The following CACNB2 variants were observed in gnomAD, a reference collection of about 807,000 sequenced individuals.
The protein encoded by CACNB2 is voltage-dependent L-type calcium channel subunit beta-2.
In CACNB2, 42 loss-of-function variants were observed where a neutral mutation model predicts 73.3. That is an observed-to-expected ratio of 0.57 (90% CI 0.45 to 0.74). CACNB2 has a LOEUF of 0.74. Among genes scored for constraint, CACNB2 ranks in the 30% least tolerant of loss-of-function variants. The probability of loss-of-function intolerance (pLI) is 0.00; values close to 1 mark genes in which losing one functional copy is unlikely to be tolerated. For missense variants in CACNB2, 940 were observed against 853.0 expected, an observed-to-expected ratio of 1.10 and a Z score of -1.27; for synonymous variants, 348 against 310.3, an observed-to-expected ratio of 1.12 and a Z score of -1.28.
chr10:18,214,363 C>T lies in CACNB2; in HGVS notation c.213+63388C>T, dbSNP rs1372033379. On this transcript the variant is annotated intron_variant, in intron 2 of 13. Transcript: ENST00000324631. Reference sequence around the variant, plus strand: ...AACTGTGACTGGGTGCAGTGGCTCACGCCTGTAATCGCAGCACTTTGAGAG... The same window carrying T: ...AACTGTGACTGGGTGCAGTGGCTCATGCCTGTAATCGCAGCACTTTGAGAG... 8.0e-5 allele frequency among the ~76,000 whole-genome samples: 6 copies of T among 75,406 alleles called. 1 individual carries two copies. Among genetic ancestry groups the T allele is most frequent in the African/African-American group, 1.5e-4 (5 of 32,454 alleles). The allele number at this position is 75,406 out of a possible 152,430, so 49.5% of individuals were successfully genotyped here.
chr10:18,418,994 T>C (rs1427106160), intron 3 of CACNB2, among the ~76,000 whole-genome samples: 1 of 152,324 alleles, frequency 6.6e-6, no homozygotes, highest in East Asian at 1.9e-4. Context: ...TAAGCTTACA[T>C]TTGAGTCAAC....
Position 18,539,734 on chromosome 10 carries a change from G to T in CACNB2, c.*10G>T, listed in dbSNP as rs4747352. 0.78 allele frequency: 1,231,163 copies of T among 1,575,568 alleles called. 482,573 individuals are homozygous for T. Among genetic ancestry groups the T allele is most frequent in the East Asian group, 0.97 (43,388 of 44,598 alleles). ...TTACATCCGCCAATGAGTTTTGCCCGTTTGTGTTTTTTTTTTTTTTTTTTT... is the reference window on the plus strand; with the variant it reads ...TTACATCCGCCAATGAGTTTTGCCCTTTTGTGTTTTTTTTTTTTTTTTTTT... On this transcript the variant is annotated 3_prime_UTR_variant, in exon 14 of 14. Transcript: ENST00000324631.
chr10:18,258,247 C>T (rs562711895), intron 2 of CACNB2, among the ~76,000 whole-genome samples: 1 of 152,174 alleles, frequency 6.6e-6, no homozygotes, highest in Admixed American at 6.5e-5. Context: ...GAATCTCTCT[C>T]ATATTGTGTA....
At chr10:18,314,337 A>G (rs912406593) in intron 2 of CACNB2, among the ~76,000 whole-genome samples, 9 of 152,188 alleles carry the variant, frequency 5.9e-5, no homozygotes, top group African/African-American at 1.9e-4. Flanking sequence ...TGTTAGTTGA[A>G]TTGTTCATTT....
chr10:18,375,115 G>A (rs1485521577), intron 2 of CACNB2, among the ~76,000 whole-genome samples: 1 of 152,134 alleles, frequency 6.6e-6, no homozygotes, highest in African/African-American at 2.4e-5. Flanking sequence ...CTACTCGGGA[G>A]GCAGGAAGAT....
chr10:18,438,765 A>G (rs749362079), intron 3 of CACNB2, among the ~76,000 whole-genome samples: 5 of 152,246 alleles, frequency 3.3e-5, no homozygotes, highest in Admixed American at 6.5e-5. Flanking sequence ...CCTGGGCCTT[A>G]TGGAGTATAC....
At chr10:18,273,745 A>C (rs1019545252) in intron 2 of CACNB2, among the ~76,000 whole-genome samples, 1 of 152,220 alleles carries the variant, frequency 6.6e-6, no homozygotes, top group Non-Finnish European at 1.5e-5. Flanking sequence ...TCAGATATTC[A>C]GTAAGTATTG....
chr10:18,487,333 C>T (rs547598562), intron 3 of CACNB2, among the ~76,000 whole-genome samples: 1 of 152,228 alleles, frequency 6.6e-6, no homozygotes, highest in South Asian at 2.1e-4. Flanking sequence ...ATGCTTTCAG[C>T]TTGATTTTTC....
At position 18,301,202 on chromosome 10, in the gene CACNB2, T is replaced by C. The variant is rs4335446; in HGVS notation, c.214-100722T>C. ...GTTTCTGAACTTTTACATTTATCGT[T>C]GTTATTAACTTCCCAAGTCAAACCA... is the stretch of plus-strand genomic sequence containing the variant. On this transcript the variant is annotated intron_variant, in intron 2 of 13. Coordinates refer to ENST00000324631, the MANE Select transcript of CACNB2 (RefSeq NM_201596.3). Among the ~76,000 whole-genome samples the C allele has an allele frequency of 8.9e-3, 1,360 of 152,300 alleles. 9 individuals are homozygous for C. The highest frequency in any genetic ancestry group is 0.037 in the Middle Eastern group (11 of 294).
chr10:18,330,895 C>T (rs1051671776), intron 2 of CACNB2, among the ~76,000 whole-genome samples: 2 of 151,220 alleles, frequency 1.3e-5, no homozygotes, highest in African/African-American at 2.4e-5. Context: ...TCTCGAACTC[C>T]TGGCCTCATA....
intron 3 of CACNB2, among the ~76,000 whole-genome samples, chr10:18,481,954 A>G (rs1270252547): frequency 6.6e-6 from 1 of 152,114 alleles, no homozygotes; most frequent in Non-Finnish European, 1.5e-5. Flanking sequence ...CAATGGCGCG[A>G]TCTCGGCTTA....
rs71402148 is a variant in CACNB2, at chr10:18,150,855, CTTTTTTTTTTTTTTTT to C, written c.121-18_121-3del. Reference sequence around the variant, plus strand: ...AGGGTCTCATAATAATCTTATTTGTCTTTTTTTTTTTTTTTTTTTTTTTTTAGTCATATGGAAAAGG... The same window carrying C: ...AGGGTCTCATAATAATCTTATTTGTCTTTTTTTTTAGTCATATGGAAAAGG... On this transcript the variant is annotated splice_polypyrimidine_tract_variant and intron_variant, in intron 1 of 13. Coordinates refer to ENST00000324631, the MANE Select transcript of CACNB2 (RefSeq NM_201596.3). The C allele has an allele frequency of 9.7e-5, 47 of 484,692 alleles. 1 individual carries two copies. In the African/African-American group the frequency reaches 2.0e-3, roughly 21 times the overall value. The allele number at this position is 484,692 out of a possible 1,614,324, so 30.0% of individuals were successfully genotyped here. A position where few individuals can be genotyped will look rare whatever the true frequency, so the allele number is the denominator to read the frequency against.
chr10:18,331,758 C>T (rs1017029247), intron 2 of CACNB2, among the ~76,000 whole-genome samples: 1 of 152,100 alleles, frequency 6.6e-6, no homozygotes, highest in African/African-American at 2.4e-5. Context: ...GCAACAGAGC[C>T]GGGCCTAGCT....
At chr10:18,235,985 C>T (rs910505602) in intron 2 of CACNB2, among the ~76,000 whole-genome samples, 1 of 152,148 alleles carries the variant, frequency 6.6e-6, no homozygotes, top group Non-Finnish European at 1.5e-5. Flanking sequence ...AAACTCTCTT[C>T]CTCTTGCTCC....
At chr10:18,158,060 C>T (rs1472429151) in intron 2 of CACNB2, among the ~76,000 whole-genome samples, 1 of 151,962 alleles carries the variant, frequency 6.6e-6, no homozygotes, top group Non-Finnish European at 1.5e-5. Flanking sequence ...TATTTTTTTC[C>T]TTTCTCCCAC....
intron 1 of CACNB2, among the ~76,000 whole-genome samples, chr10:18,144,208 G>T (rs1280259937): frequency 1.3e-5 from 2 of 152,154 alleles, no homozygotes; most frequent in African/African-American, 4.8e-5. Context: ...CTCCTCAGTA[G>T]CTAGGACTAC....
chr10:18,424,687 G>A (rs577782826), intron 3 of CACNB2, among the ~76,000 whole-genome samples: 1 of 152,170 alleles, frequency 6.6e-6, no homozygotes, highest in African/African-American at 2.4e-5. Flanking sequence ...TGACATACTG[G>A]TTAGTTTTTC....
At chr10:18,325,086 T>G (rs1477539242) in intron 2 of CACNB2, among the ~76,000 whole-genome samples, 2 of 152,338 alleles carry the variant, frequency 1.3e-5, no homozygotes, top group East Asian at 3.9e-4. Context: ...ATTTTCAGTG[T>G]GAACTGGGTC....
At chr10:18,189,500 A>G (rs1157515381) in intron 2 of CACNB2, among the ~76,000 whole-genome samples, 2 of 151,792 alleles carry the variant, frequency 1.3e-5, no homozygotes, top group Non-Finnish European at 2.9e-5. Flanking sequence ...TATTTTCCTG[A>G]TTAAGTTGAA....
Sources: gnomAD v4.1 joint callset for allele counts (sites outside exome capture counted in the v4.1 genomes callset) on GRCh38, gnomAD v4.1.1 for gene constraint, MANE v1.5 for transcripts, NCBI Gene and HGNC (gene_info 2026-07-23, HGNC 2026-07-21) for gene names.